Variants in SH3GL2 observed in about 807,000 individuals in gnomAD.
The protein encoded by SH3GL2 is SH3 domain containing GRB2 like 2, endophilin A1, also known as endophilin-A1.
SH3GL2 carries 24 observed loss-of-function variants against 46.0 expected under a neutral mutation model. The ratio of observed to expected loss-of-function variants is 0.52; its 90% CI spans 0.38 to 0.73. The LOEUF is 0.73. Among genes scored for constraint, SH3GL2 ranks in the 30% least tolerant of loss-of-function variants. The pLI is 0.00. For synonymous variants in SH3GL2, 196 were observed against 147.1 expected (o/e 1.33, Z -2.40); for missense variants, 413 against 424.2 (o/e 0.97, Z 0.23).
chr9:17,728,671 T>C (rs1021905265), intron 1 of SH3GL2, among the ~76,000 whole-genome samples: 19 of 152,200 alleles, frequency 1.2e-4, no homozygotes, highest in African/African-American at 4.6e-4. Context: ...TTCCCCTTCC[T>C]GTGCCCATAT....
chr9:17,734,594 CCATA>C (rs1822272959), intron 1 of SH3GL2, among the ~76,000 whole-genome samples: 1 of 152,078 alleles, frequency 6.6e-6, no homozygotes, highest in African/African-American at 2.4e-5. Flanking sequence ...TATGGATTAT[CCATA>C]CAATGAAATA....
chr9:17,687,940 A>C (rs942863791), intron 1 of SH3GL2, among the ~76,000 whole-genome samples: 7 of 152,068 alleles, frequency 4.6e-5, no homozygotes, highest in African/African-American at 1.7e-4. Flanking sequence ...CATTTAAGAG[A>C]TGCCTGACAG....
At chr9:17,728,954 A>G (rs1290454795) in intron 1 of SH3GL2, among the ~76,000 whole-genome samples, 1 of 152,132 alleles carries the variant, frequency 6.6e-6, no homozygotes, top group Admixed American at 6.5e-5. Flanking sequence ...ATGTGTCTTT[A>G]TGGTAGAATG....
chr9:17,777,735 C>T (rs775055575), intron 3 of SH3GL2, among the ~76,000 whole-genome samples: 1 of 152,034 alleles, frequency 6.6e-6, no homozygotes, highest in Non-Finnish European at 1.5e-5. Context: ...TATAAGGTTA[C>T]CAATCCTACT....
chr9:17,598,533 G>C (rs1040990219), intron 1 of SH3GL2, among the ~76,000 whole-genome samples: 6 of 152,142 alleles, frequency 3.9e-5, no homozygotes, highest in South Asian at 4.1e-4. Context: ...GCGGGCCAAG[G>C]GGTTTGAGCC....
chr9:17,675,694 C>G (rs1820589945), intron 1 of SH3GL2, among the ~76,000 whole-genome samples: 2 of 152,242 alleles, frequency 1.3e-5, no homozygotes, highest in Non-Finnish European at 1.5e-5. Flanking sequence ...CGCCTGTAAT[C>G]TCAGCACTCT....
At chr9:17,775,844 T>G (rs1423433705) in intron 3 of SH3GL2, among the ~76,000 whole-genome samples, 1 of 152,110 alleles carries the variant, frequency 6.6e-6, no homozygotes, top group Non-Finnish European at 1.5e-5. Context: ...TCTGCCCAAG[T>G]GCATCAGCTG....
chr9:17,679,131 A>T (rs1038818075), intron 1 of SH3GL2, among the ~76,000 whole-genome samples: 3 of 152,076 alleles, frequency 2.0e-5, no homozygotes, highest in African/African-American at 7.2e-5. Context: ...TTTTGGTTCC[A>T]TATGAACTTT....
At chr9:17,672,059 A>C (rs889558942) in intron 1 of SH3GL2, among the ~76,000 whole-genome samples, 10 of 152,174 alleles carry the variant, frequency 6.6e-5, no homozygotes, top group African/African-American at 2.4e-4. Flanking sequence ...CATGAAACTA[A>C]ATTGGAAACC....
intron 2 of SH3GL2, among the ~76,000 whole-genome samples, chr9:17,748,663 A>ATG (rs1563838101): frequency 6.6e-6 from 1 of 152,112 alleles, no homozygotes; most frequent in Non-Finnish European, 1.5e-5. Flanking sequence ...TGTGTCTTCC[A>ATG]TGAACCAGGA....
chr9:17,782,626 C>T (rs989046424), intron 3 of SH3GL2, among the ~76,000 whole-genome samples: 2 of 152,272 alleles, frequency 1.3e-5, no homozygotes, highest in East Asian at 3.9e-4. Context: ...TATGAGACCA[C>T]AGAGTGAGTG....
Position 17,787,439 on chromosome 9 carries a change from T to C in SH3GL2, c.391T>C (p.Leu131=), listed in dbSNP as rs1008538881. The change falls in exon 5 of 9, where the codon TTG becomes CTG. Residue 131 remains leucine, a synonymous_variant. Coordinates refer to ENST00000380607, the MANE Select transcript of SH3GL2 (RefSeq NM_003026.5). ...MRELSEVKDS[L]DIEVKQNFID... ...GGAACTGTCGGAGGTCAAAGACTCT[T>C]TGGACATAGAAGTGAAGCAGAACTT... 2 of 1,612,732 alleles carry C rather than the reference T, an allele frequency of 1.2e-6. No individual in the cohort carries two copies. The highest frequency in any genetic ancestry group is 2.7e-5 in the African/African-American group (2 of 74,876).
intron 1 of SH3GL2, among the ~76,000 whole-genome samples, chr9:17,627,505 T>G (rs1391345978): frequency 6.6e-6 from 1 of 152,238 alleles, no homozygotes; most frequent in East Asian, 1.9e-4. Flanking sequence ...AGACCCTATC[T>G]GTTATTTGAC....
intron 1 of SH3GL2, among the ~76,000 whole-genome samples, chr9:17,646,289 G>T (rs1006208838): frequency 1.1e-4 from 16 of 151,904 alleles, no homozygotes; most frequent in African/African-American, 3.6e-4. Flanking sequence ...TTTTATCAAA[G>T]TTCTTAGCTT....
At chr9:17,677,850 A>T (rs372973289) in intron 1 of SH3GL2, among the ~76,000 whole-genome samples, 2 of 151,444 alleles carry the variant, frequency 1.3e-5, no homozygotes, top group East Asian at 1.9e-4. Flanking sequence ...TCATTGTTCA[A>T]TTCCCACCTT....
intron 1 of SH3GL2, among the ~76,000 whole-genome samples, chr9:17,687,105 A>G (rs1308999263): frequency 6.6e-6 from 1 of 152,138 alleles, no homozygotes; most frequent in Admixed American, 6.6e-5. Context: ...AGAATTTAAG[A>G]TGTAAACTAG....
intron 1 of SH3GL2, among the ~76,000 whole-genome samples, chr9:17,721,906 G>A (rs1026932100): frequency 2.0e-5 from 3 of 152,048 alleles, no homozygotes; most frequent in Admixed American, 1.3e-4. Flanking sequence ...GGAAAATTAG[G>A]ACAATGAGAT....
intron 1 of SH3GL2, among the ~76,000 whole-genome samples, chr9:17,696,824 C>T (rs1156432213): frequency 2.6e-5 from 4 of 151,994 alleles, no homozygotes; most frequent in Non-Finnish European, 5.9e-5. Context: ...TTCGATTTTT[C>T]ATAGCCCATT....
intron 2 of SH3GL2, among the ~76,000 whole-genome samples, chr9:17,756,268 T>TA (rs1822985870): frequency 6.6e-6 from 1 of 152,184 alleles, no homozygotes; most frequent in Non-Finnish European, 1.5e-5. Context: ...TTTTATTACC[T>TA]AAAAAACATG....
Sources: gnomAD v4.1 joint callset for allele counts (sites outside exome capture counted in the v4.1 genomes callset) on GRCh38, gnomAD v4.1.1 for gene constraint, MANE v1.5 for transcripts, NCBI Gene and HGNC (gene_info 2026-07-23, HGNC 2026-07-21) for gene names.